The following CYP7B1 variants were observed in gnomAD, a reference collection of about 807,000 sequenced individuals.
CYP7B1 encodes the protein cytochrome P450 family 7 subfamily B member 1, also known as cytochrome P450 7B1.
Under a neutral mutation model 42.7 loss-of-function variants are expected in CYP7B1, and 29 were observed. That is an observed-to-expected ratio of 0.68 (90% CI 0.51 to 0.93). The LOEUF (loss-of-function observed/expected upper bound fraction) is 0.93. CYP7B1 is among the 40% of genes least tolerant of loss of function. The pLI is 0.00. For missense variants in CYP7B1, 655 were observed against 600.5 expected (o/e 1.09, Z -0.95); for synonymous variants, 235 against 218.2 (o/e 1.08, Z -0.68).
chr8:64,599,828 T>C (rs993835140), intron 5 of CYP7B1, among the ~76,000 whole-genome samples: 1 of 152,230 alleles, frequency 6.6e-6, no homozygotes, highest in Non-Finnish European at 1.5e-5. Flanking sequence ...AAATGGTTGA[T>C]TACCTTTCCT....
downstream of CYP7B1, among the ~76,000 whole-genome samples, chr8:64,589,344 ACTTTT>A (rs1172621873): frequency 6.6e-6 from 1 of 152,180 alleles, no homozygotes; most frequent in Non-Finnish European, 1.5e-5. Flanking sequence ...ACTGTTTGTA[ACTTTT>A]CTTTAAGTCT....
chr8:64,607,265 G>C (rs1483870317), intron 4 of CYP7B1, among the ~76,000 whole-genome samples: 1 of 152,060 alleles, frequency 6.6e-6, no homozygotes, highest in East Asian at 1.9e-4. Flanking sequence ...ATAAGGTGTT[G>C]TCAGAGAGAT....
At chr8:64,780,367 A>C (rs1804401145) in intron 1 of CYP7B1, among the ~76,000 whole-genome samples, 1 of 152,134 alleles carries the variant, frequency 6.6e-6, no homozygotes, top group African/African-American at 2.4e-5. Context: ...AAGCTTCTAA[A>C]GTTTCTTCTT....
At chr8:64,648,624 T>C (rs1805989770) in intron 1 of CYP7B1, among the ~76,000 whole-genome samples, 1 of 152,230 alleles carries the variant, frequency 6.6e-6, no homozygotes, top group African/African-American at 2.4e-5. Flanking sequence ...TAATAATTAA[T>C]TCATTCTGTT....
intron 1 of CYP7B1, among the ~76,000 whole-genome samples, chr8:64,745,226 T>C (rs1563412672): frequency 6.6e-6 from 1 of 152,370 alleles, no homozygotes; most frequent in East Asian, 1.9e-4. Context: ...TCATTTTGTA[T>C]GCTTCCATTT....
intron 1 of CYP7B1, among the ~76,000 whole-genome samples, chr8:64,719,025 T>A (rs983621961): frequency 6.6e-6 from 1 of 152,194 alleles, no homozygotes; most frequent in Admixed American, 6.5e-5. Flanking sequence ...TTTCAGCTCA[T>A]AACACACAGT....
intron 1 of CYP7B1, among the ~76,000 whole-genome samples, chr8:64,676,842 T>C (rs1806453326): frequency 6.6e-6 from 1 of 152,062 alleles, no homozygotes; most frequent in Admixed American, 6.6e-5. Flanking sequence ...TAGCAGAAAT[T>C]CCTATTAATT....
At chr8:64,624,951 C>CCTTT (rs1805586879) in intron 1 of CYP7B1, among the ~76,000 whole-genome samples, 2 of 54,022 alleles carry the variant, frequency 3.7e-5, no homozygotes, top group African/African-American at 1.0e-4. Flanking sequence ...TTATATCATT[C>CCTTT]TTTTTTTTTT....
intron 1 of CYP7B1, among the ~76,000 whole-genome samples, chr8:64,777,506 G>C (rs370151877): frequency 1.3e-5 from 2 of 152,058 alleles, no homozygotes; most frequent in South Asian, 2.1e-4. Context: ...TAAAATCTGA[G>C]TAGCAAAATA....
chr8:64,636,070 T>TTG (rs1236836605), intron 1 of CYP7B1, among the ~76,000 whole-genome samples: 1 of 152,212 alleles, frequency 6.6e-6, no homozygotes, highest in East Asian at 1.9e-4. Context: ...TAAAACTTAA[T>TTG]TGAGTTTCGA....
At chr8:64,603,688 C>T (rs1467904011) in intron 5 of CYP7B1, among the ~76,000 whole-genome samples, 1 of 152,162 alleles carries the variant, frequency 6.6e-6, no homozygotes, top group Non-Finnish European at 1.5e-5. Flanking sequence ...AATGTCCCTC[C>T]TTTTGAAACA....
chr8:64,764,255 C>T (rs1807938480), intron 1 of CYP7B1, among the ~76,000 whole-genome samples: 1 of 149,822 alleles, frequency 6.7e-6, no homozygotes, highest in South Asian at 2.2e-4. Flanking sequence ...TCCCCCGCCC[C>T]CTGCAATACA....
At chr8:64,620,947 A>G (rs1359261124) in intron 2 of CYP7B1, among the ~76,000 whole-genome samples, 1 of 152,260 alleles carries the variant, frequency 6.6e-6, no homozygotes, top group African/African-American at 2.4e-5. Context: ...CAAATCTGCC[A>G]CAACTTTCTG....
At chr8:64,730,491 A>G (rs1807392530) in intron 1 of CYP7B1, among the ~76,000 whole-genome samples, 1 of 152,188 alleles carries the variant, frequency 6.6e-6, no homozygotes, top group Admixed American at 6.5e-5. Context: ...TGAACTGAAT[A>G]GCAGATGTGC....
intron 1 of CYP7B1, among the ~76,000 whole-genome samples, chr8:64,707,809 T>C (rs574092379): frequency 6.6e-6 from 1 of 152,236 alleles, no homozygotes; most frequent in East Asian, 1.9e-4. Flanking sequence ...AAAGATTTTA[T>C]TGGAAATTAT....
chr8:64,713,014 G>A (rs1165269468), intron 1 of CYP7B1, among the ~76,000 whole-genome samples: 1 of 152,086 alleles, frequency 6.6e-6, no homozygotes, highest in East Asian at 1.9e-4. Flanking sequence ...CTCTTGAACT[G>A]TAAGCTCCTT....
chr8:64,725,007 G>T (rs1807300801), intron 1 of CYP7B1, among the ~76,000 whole-genome samples: 1 of 152,184 alleles, frequency 6.6e-6, no homozygotes, highest in Non-Finnish European at 1.5e-5. Context: ...GAGGTTTCCT[G>T]CCCATTCCAG....
intron 1 of CYP7B1, among the ~76,000 whole-genome samples, chr8:64,746,701 A>G (rs1807648519): frequency 6.6e-6 from 1 of 152,168 alleles, no homozygotes; most frequent in African/African-American, 2.4e-5. Flanking sequence ...TAATTGTTAT[A>G]ATAGACTTTT....
At chr8:64,676,805 T>C (rs569675570) in intron 1 of CYP7B1, among the ~76,000 whole-genome samples, 4 of 152,068 alleles carry the variant, frequency 2.6e-5, no homozygotes, top group African/African-American at 9.7e-5. Context: ...ACTGCTTTCT[T>C]CCCCCAAGCT....
Sources: allele counts gnomAD v4.1 joint callset (sites outside exome capture counted in the v4.1 genomes callset), GRCh38; gene constraint gnomAD v4.1.1; transcripts MANE v1.5; gene names NCBI Gene and HGNC (gene_info 2026-07-23, HGNC 2026-07-21).